The following GRIN2A variants were observed in gnomAD, a reference collection of about 807,000 sequenced individuals.
GRIN2A encodes glutamate ionotropic receptor NMDA type subunit 2A.
Under a neutral mutation model 113.4 loss-of-function variants are expected in GRIN2A, and 22 were observed. The ratio of observed to expected loss-of-function variants is 0.19; its 90% CI spans 0.14 to 0.28. GRIN2A has a LOEUF of 0.28. GRIN2A is among the 10% of genes least tolerant of loss of function. The probability of loss-of-function intolerance (pLI) is 1.00; values close to 1 mark genes in which losing one functional copy is unlikely to be tolerated. For missense variants in GRIN2A, 1,502 were observed against 1,887.0 expected (o/e 0.80, Z 3.78); for synonymous variants, 827 against 738.4 (o/e 1.12, Z -1.94).
At chr16:10,037,029 C>A (rs887991487) in intron 2 of GRIN2A, 1 of 152,122 alleles carries the variant, frequency 6.6e-6, no homozygotes, top group East Asian at 1.9e-4. Flanking sequence ...CCAGGAGGAT[C>A]CATGCCGTGG....
chr16:9,991,576 A>G (rs1336217909), intron 2 of GRIN2A, among the ~76,000 whole-genome samples: 1 of 152,082 alleles, frequency 6.6e-6, no homozygotes, highest in Non-Finnish European at 1.5e-5. Context: ...TCGAGTCTCC[A>G]GTGTCTATTA....
chr16:9,854,922 A>C (rs1241209776), intron 4 of GRIN2A, among the ~76,000 whole-genome samples: 1 of 152,154 alleles, frequency 6.6e-6, no homozygotes, highest in Non-Finnish European at 1.5e-5. Flanking sequence ...CTTGGAGGGA[A>C]AATGAAGTTC....
chr16:10,064,583 AT>A (rs2047612307), intron 2 of GRIN2A, among the ~76,000 whole-genome samples: 1 of 152,230 alleles, frequency 6.6e-6, no homozygotes, highest in African/African-American at 2.4e-5. Flanking sequence ...CTTGATAAAC[AT>A]TTTTAACCTC....
At chr16:9,952,015 G>A (rs1296264303) in intron 2 of GRIN2A, among the ~76,000 whole-genome samples, 6 of 152,046 alleles carry the variant, frequency 3.9e-5, no homozygotes, top group South Asian at 2.1e-4. Flanking sequence ...CTCACCCTTG[G>A]GTATTTCATA....
At position 10,180,784 on chromosome 16, in the gene GRIN2A, T is replaced by G; in HGVS notation, c.-18-355A>C. 2.4e-6 allele frequency: 1 copy of G among 411,098 alleles called. No homozygotes were observed. The highest frequency in any genetic ancestry group is 5.1e-5 in the East Asian group (1 of 19,782). 25.5% of individuals were successfully genotyped at this position (411,098 alleles called of 1,614,324 possible). On this transcript the variant is annotated intron_variant, in intron 1 of 12. Transcript: ENST00000330684. This position sits in a 1 kb window ranked among gnomAD's most constrained non-coding sequence, Gnocchi z 7.0. ...GACCCTAAGCGCCGCGCGTGTTCTGTACCCCACCAAGCTCCTAGGTGCACA... is the reference window on the plus strand; with the variant it reads ...GACCCTAAGCGCCGCGCGTGTTCTGGACCCCACCAAGCTCCTAGGTGCACA...
At position 10,107,378 on chromosome 16, in the gene GRIN2A, C is replaced by A. The variant is rs2048520042; in HGVS notation, c.414+72620G>T. Among the ~76,000 whole-genome samples, 11 of 152,208 alleles carry A rather than the reference C, an allele frequency of 7.2e-5. No individual in the cohort carries two copies. The South Asian group carries it at 2.1e-3, about 29-fold the overall frequency. On this transcript the variant is annotated intron_variant, in intron 2 of 12. Transcript: ENST00000330684. Reference sequence around the variant, plus strand: ...TCCCCAGAGGACAATGTACACACAACCTCTTTCCTCCAACTCTGGTGTTGA... The same window carrying A: ...TCCCCAGAGGACAATGTACACACAAACTCTTTCCTCCAACTCTGGTGTTGA...
chr16:10,181,198 TGCACACACACAC>T (rs1371345892), intron 1 of GRIN2A, among the ~76,000 whole-genome samples: 2 of 9,868 alleles, frequency 2.0e-4, no homozygotes, highest in African/African-American at 4.8e-4. Flanking sequence ...CACACACACG[TGCACACACACAC>T]GCACACACAC....
intron 5 of GRIN2A, among the ~76,000 whole-genome samples, chr16:9,842,645 A>G (rs183593499): frequency 6.6e-6 from 1 of 152,368 alleles, no homozygotes; most frequent in East Asian, 1.9e-4. Context: ...ACAATGAAAT[A>G]TGAAGCATAG....
chr16:9,778,526 A>G (rs1313776395), intron 11 of GRIN2A, among the ~76,000 whole-genome samples: 1 of 152,222 alleles, frequency 6.6e-6, no homozygotes. Flanking sequence ...AAACACATAC[A>G]GATTTAAGAA....
intron 3 of GRIN2A, among the ~76,000 whole-genome samples, chr16:9,908,160 G>C (rs1281887001): frequency 6.6e-6 from 1 of 152,150 alleles, no homozygotes; most frequent in African/African-American, 2.4e-5. Context: ...ATGTACATTA[G>C]CAGTAATAAT....
At chr16:10,003,951 C>T (rs964881922) in intron 2 of GRIN2A, among the ~76,000 whole-genome samples, 1 of 152,132 alleles carries the variant, frequency 6.6e-6, no homozygotes, top group Non-Finnish European at 1.5e-5. Flanking sequence ...TACTGTGTCT[C>T]TCCTGGGAAG....
At chr16:9,926,488 T>C (rs906216285) in intron 3 of GRIN2A, among the ~76,000 whole-genome samples, 3 of 152,216 alleles carry the variant, frequency 2.0e-5, no homozygotes, top group African/African-American at 4.8e-5. Flanking sequence ...GAGAGACCTA[T>C]GTTGTACACA....
At chr16:10,010,186 G>C (rs1442532882) in intron 2 of GRIN2A, among the ~76,000 whole-genome samples, 1 of 152,186 alleles carries the variant, frequency 6.6e-6, no homozygotes, top group East Asian at 1.9e-4. Context: ...GGCCTACCTG[G>C]TTCTTTCCTT....
intron 5 of GRIN2A, among the ~76,000 whole-genome samples, chr16:9,848,391 C>A (rs1028274221): frequency 1.3e-5 from 2 of 150,272 alleles, no homozygotes; most frequent in East Asian, 3.9e-4. Flanking sequence ...AATTTTTGTA[C>A]TTTTAAGAAA....
chr16:9,906,483 C>T (rs945814103), intron 3 of GRIN2A, among the ~76,000 whole-genome samples: 2 of 152,204 alleles, frequency 1.3e-5, no homozygotes, highest in South Asian at 2.1e-4. Flanking sequence ...TCTCTGGCCA[C>T]AGAGATTGGT....
At chr16:9,877,689 C>T (rs562102971) in intron 4 of GRIN2A, among the ~76,000 whole-genome samples, 60 of 131,312 alleles carry the variant, frequency 4.6e-4, no homozygotes, top group African/African-American at 1.5e-3. Flanking sequence ...CTCTCTCTTC[C>T]CCCTCTTCAG....
intron 2 of GRIN2A, among the ~76,000 whole-genome samples, chr16:10,170,269 T>G (rs1388510060): frequency 6.6e-6 from 1 of 152,188 alleles, no homozygotes; most frequent in Non-Finnish European, 1.5e-5. Context: ...GCAGCCACAT[T>G]ATGACTAAGT....
chr16:9,938,609 C>G lies in GRIN2A; in HGVS notation c.415-58G>C, dbSNP rs924883175. 8.6e-5 allele frequency: 104 copies of G among 1,210,398 alleles called. No individual in the cohort carries two copies. The African/African-American group carries it at 1.2e-3, about 14-fold the overall frequency. 75.0% of individuals were successfully genotyped at this position (1,210,398 alleles called of 1,614,324 possible). A position where few individuals can be genotyped will look rare whatever the true frequency, so the allele number is the denominator to read the frequency against. Reference sequence around the variant, plus strand: ...AGGCAGGAGGTGGTTTATATAGAAGCACAAACTGCGTCCTAGAAGTAAGGA... The same window carrying G: ...AGGCAGGAGGTGGTTTATATAGAAGGACAAACTGCGTCCTAGAAGTAAGGA... On this transcript the variant is annotated intron_variant, in intron 2 of 12. Coordinates refer to ENST00000330684, the MANE Select transcript of GRIN2A (RefSeq NM_001134407.3).
rs1489261681 is a variant in GRIN2A at position 9,849,882 on chromosome 16, G to A, written c.1202C>T (p.Pro401Leu). ...GACGATGCTGAGATGGTTGTCATCC[G>A]GCTCACAGTCGGAGAAGGACTTGTA... Reference protein sequence around the residue: ...PRYKSFSDCEPDDNHLSIVTL... With the variant: ...PRYKSFSDCELDDNHLSIVTL... The change falls in exon 5 of 13, where the codon CCG (proline) becomes CTG (leucine). Residue 401 changes from proline to leucine, a missense_variant. By Grantham distance (98) the Pro-to-Leu change is moderately conservative. This residue lies in a region of GRIN2A where 334 missense variants were observed against 403.0 expected (regional missense o/e 0.83). Coordinates refer to ENST00000330684, the MANE Select transcript of GRIN2A (RefSeq NM_001134407.3). 6.2e-7 allele frequency: 1 copy of A among 1,613,924 alleles called. No homozygotes were observed.
Sources: allele counts gnomAD v4.1 joint callset (sites outside exome capture counted in the v4.1 genomes callset), GRCh38; gene constraint gnomAD v4.1.1; regional missense constraint gnomAD v4.1.1; non-coding constraint Gnocchi (gnomAD v3.1); transcripts MANE v1.5; gene names NCBI Gene and HGNC (gene_info 2026-07-23, HGNC 2026-07-21).